The following WDR5B variants were observed in gnomAD, a reference collection of about 807,000 sequenced individuals.
WDR5B encodes WD repeat domain 5B.
In WDR5B, 17 loss-of-function variants were observed where a neutral mutation model predicts 24.0. The observed-to-expected ratio is 0.71, with a 90% CI of 0.49 to 1.06. The LOEUF (loss-of-function observed/expected upper bound fraction) is 1.06. WDR5B is among the 50% of genes least tolerant of loss of function. WDR5B has a pLI of 0.00. For synonymous variants in WDR5B, 150 were observed against 146.4 expected (o/e 1.02, Z -0.18); for missense variants, 368 against 384.1 (o/e 0.96, Z 0.35).
rs11553085 is a variant in WDR5B, at chr3:122,411,904, T to C, written c.*2632A>G. On this transcript the variant is annotated 3_prime_UTR_variant, in exon 1 of 1. Coordinates refer to ENST00000330689, the MANE Select transcript of WDR5B (RefSeq NM_019069.4). Reference sequence around the variant, plus strand: ...ATTAAACTAAAGCTCACAACTGTTATTATGCATCAGGAATTAACAGTCATT... The same window carrying C: ...ATTAAACTAAAGCTCACAACTGTTACTATGCATCAGGAATTAACAGTCATT... 77,494 of 151,982 alleles carry C rather than the reference T, an allele frequency of 0.51. 20,254 individuals are homozygous for C. Among genetic ancestry groups the C allele is most frequent in the East Asian group, 0.65 (3,343 of 5,158 alleles). The allele number at this position is 151,982 out of a possible 1,614,324, so 9.4% of individuals were successfully genotyped here.
In WDR5B at chr3:122,413,978, TACACACAC is replaced by T. The variant is rs371239190; in HGVS notation, c.*550_*557del. ...ATACATACACATACACATATATGCA[TACACACAC>T]ACACATACACACCACAGAATACTAC... is the stretch of plus-strand genomic sequence containing the variant. On this transcript the variant is annotated 3_prime_UTR_variant, in exon 1 of 1. Transcript: ENST00000330689. 6.4e-6 allele frequency: 1 copy of T among 155,080 alleles called. No individual in the cohort carries two copies. The highest frequency in any genetic ancestry group is 1.9e-4 in the South Asian group (1 of 5,150). 9.6% of individuals were successfully genotyped at this position (155,080 alleles called of 1,614,324 possible).
In WDR5B at chr3:122,415,822, A is replaced by C. The variant is rs184709234; in HGVS notation, c.-294T>G. On this transcript the variant is annotated 5_prime_UTR_variant, in exon 1 of 1. Coordinates refer to ENST00000330689, the MANE Select transcript of WDR5B (RefSeq NM_019069.4). ...TGTTCGGCATTCCGTTAATACATAA[A>C]GCCTTCAAAGCAGGGGCGACGCGAG... 3.0e-5 allele frequency: 10 copies of C among 330,050 alleles called. No individual in the cohort carries two copies. In the Admixed American group the frequency reaches 3.2e-4, roughly 11 times the overall value. 20.4% of individuals were successfully genotyped at this position (330,050 alleles called of 1,614,324 possible).
rs780221712 is a variant in WDR5B at position 122,415,450 on chromosome 3, C to T, written c.79G>A (p.Glu27Lys). 2 of 1,614,232 alleles carry T rather than the reference C, an allele frequency of 1.2e-6. No homozygotes were observed. Among genetic ancestry groups the T allele is most frequent in the South Asian group, 1.1e-5 (1 of 91,088 alleles). Residue 27 changes from glutamate to lysine, a missense_variant, in exon 1 of 1, where the codon GAA becomes AAA. Glu to Lys is a moderately conservative substitution (Grantham distance 56). Coordinates refer to ENST00000330689, the MANE Select transcript of WDR5B (RefSeq NM_019069.4). ...CATTTGAGAGCATAGTTTGGGTTTT[C>T]AGGCACTTCCTTGCTCTGATTGGCC... is the stretch of plus-strand genomic sequence containing the variant. Reference protein sequence around the residue: ...SSANQSKEVPENPNYALKCTL... With the variant: ...SSANQSKEVPKNPNYALKCTL...
rs146113764 is a variant in WDR5B, at chr3:122,414,904, C to T, written c.625G>A (p.Asp209Asn). 55 of 1,614,018 alleles carry T rather than the reference C, an allele frequency of 3.4e-5. No individual in the cohort carries two copies. The highest frequency in any genetic ancestry group is 2.9e-4 in the African/African-American group (22 of 74,908). Reference protein sequence around the residue: ...GQCLKTLVDDDNPPVSFVKFS... With the variant: ...GQCLKTLVDDNNPPVSFVKFS... The stretch of plus-strand genomic sequence containing the variant: ...TTTACAAAAGAGACAGGAGGGTTAT[C>T]GTCATCAACGAGCGTTTTTAAACAC... The change falls in exon 1 of 1, where the codon GAT (aspartate) becomes AAT (asparagine). Residue 209 changes from aspartate (D) to asparagine (N), a missense_variant. By Grantham distance (23) the Asp-to-Asn change is conservative (BLOSUM62 1). Coordinates refer to ENST00000330689, the MANE Select transcript of WDR5B (RefSeq NM_019069.4).
rs200435556 is a variant in WDR5B at position 122,415,259 on chromosome 3, G to A, written c.270C>T (p.Ala90=). 1.1e-4 allele frequency: 182 copies of A among 1,614,166 alleles called. 1 individual carries two copies. In the East Asian group the frequency reaches 3.9e-3, roughly 35 times the overall value. The change falls in exon 1 of 1, where the codon GCC becomes GCT. Residue 90 remains alanine, a synonymous_variant. Transcript: ENST00000330689. ...CAAGACGACTGGAATCTGATGACCAGGCAACATCCGATATTTCCAAATTAT... is the reference window on the plus strand; with the variant it reads ...CAAGACGACTGGAATCTGATGACCAAGCAACATCCGATATTTCCAAATTAT... ...YGHNLEISDV[A]WSSDSSRLVS...
At position 122,414,588 on chromosome 3, in the gene WDR5B, G is replaced by GAT. The variant is rs1255607497; in HGVS notation, c.939_940dup (p.Ser314TyrfsTer5). On this transcript the variant is annotated frameshift_variant, in exon 1 of 1. Transcript: ENST00000330689. LOFTEE classifies it high-confidence loss of function. ...TGTTTTGTCATTTTCTAATGCTGCT[G>GAT]ATGCGATGAGGTTTTCTGTAGGATG... The GAT allele has an allele frequency of 1.9e-6, 3 of 1,614,164 alleles. No homozygotes were observed. Among genetic ancestry groups the GAT allele is most frequent in the Non-Finnish European group, 1.7e-6 (2 of 1,180,038 alleles).
In WDR5B at chr3:122,413,935, TGTG is replaced by T. The variant is rs1305867137; in HGVS notation, c.*598_*600del. 6.6e-6 allele frequency: 1 copy of T among 152,644 alleles called. No individual in the cohort carries two copies. Among genetic ancestry groups the T allele is most frequent in the Non-Finnish European group, 1.5e-5 (1 of 68,466 alleles). The allele number at this position is 152,644 out of a possible 1,614,324, so 9.5% of individuals were successfully genotyped here. ...TATACATATCCAGATGACTGGATAATGTGGTGTATATACTTATATACATACACA... is the reference window on the plus strand; with the variant it reads ...TATACATATCCAGATGACTGGATAATGTGTATATACTTATATACATACACA... On this transcript the variant is annotated 3_prime_UTR_variant, in exon 1 of 1. Transcript: ENST00000330689.
Position 122,415,211 on chromosome 3 carries a change from A to G in WDR5B, c.318T>C (p.Thr106=), listed in dbSNP as rs778881183. ...CAGATCTCACATCCCATAATTTTAGAGTTTTATCATCTGAGGCAGAAACAA... is the reference window on the plus strand; with the variant it reads ...CAGATCTCACATCCCATAATTTTAGGGTTTTATCATCTGAGGCAGAAACAA... The part of the protein sequence containing the change: ...SRLVSASDDK[T]LKLWDVRSGK... Residue 106 remains threonine (T), a synonymous_variant, in exon 1 of 1, where the codon ACT becomes ACC. Transcript: ENST00000330689. The G allele has an allele frequency of 1.2e-6, 2 of 1,614,260 alleles. No homozygotes were observed. The highest frequency in any genetic ancestry group is 1.7e-5 in the Admixed American group (1 of 60,030).
chr3:122,415,295 T>C lies in WDR5B; in HGVS notation c.234A>G (p.Thr78=), dbSNP rs754987822. The part of the protein sequence containing the change: ...WGAYDGKYEK[T]LYGHNLEISD... Reference sequence around the variant, plus strand: ...ATATTTCCAAATTATGACCATAGAGTGTTTTCTCATATTTTCCATCATATG... The same window carrying C: ...ATATTTCCAAATTATGACCATAGAGCGTTTTCTCATATTTTCCATCATATG... Residue 78 remains threonine (T), a synonymous_variant, in exon 1 of 1, where the codon ACA becomes ACG. Coordinates refer to ENST00000330689, the MANE Select transcript of WDR5B (RefSeq NM_019069.4). 3 of 1,613,962 alleles carry C rather than the reference T, an allele frequency of 1.9e-6. No individual in the cohort carries two copies. Among genetic ancestry groups the C allele is most frequent in the South Asian group, 1.1e-5 (1 of 91,072 alleles).
In WDR5B at chr3:122,413,533, G is replaced by A. The variant is rs950487670; in HGVS notation, c.*1003C>T. The A allele has an allele frequency of 6.6e-6, 1 of 152,296 alleles. No homozygotes were observed. The highest frequency in any genetic ancestry group is 1.5e-5 in the Non-Finnish European group (1 of 68,152). 9.4% of individuals were successfully genotyped at this position (152,296 alleles called of 1,614,324 possible). On this transcript the variant is annotated 3_prime_UTR_variant, in exon 1 of 1. Transcript: ENST00000330689. ...ACATGAGAACTGCTTGAACCCGGGA[G>A]GCAGAGGTTGCAGTGAGCCAAGATT...
In WDR5B at chr3:122,413,966, C is replaced by G. The variant is rs970578163; in HGVS notation, c.*570G>C. On this transcript the variant is annotated 3_prime_UTR_variant, in exon 1 of 1. Transcript: ENST00000330689. ...GTATATACTTATATACATACACATA[C>G]ACATATATGCATACACACACACACA... is the stretch of plus-strand genomic sequence containing the variant. The G allele has an allele frequency of 6.5e-6, 1 of 154,046 alleles. No individual in the cohort carries two copies. Among genetic ancestry groups the G allele is most frequent in the Non-Finnish European group, 1.4e-5 (1 of 69,518 alleles). The allele number at this position is 154,046 out of a possible 1,614,324, so 9.5% of individuals were successfully genotyped here. A position where few individuals can be genotyped will look rare whatever the true frequency, so the allele number is the denominator to read the frequency against.
rs1410583823 is a variant in WDR5B at position 122,414,466 on chromosome 3, AAAG to A, written c.*67_*69del. On this transcript the variant is annotated 3_prime_UTR_variant, in exon 1 of 1. Coordinates refer to ENST00000330689, the MANE Select transcript of WDR5B (RefSeq NM_019069.4). ...TTAAAATACCAAACTGCCAAAATTA[AAAG>A]AAACCGTCTTTTTAAATATCCAAGT... 1 of 1,511,032 alleles carries A rather than the reference AAAG, an allele frequency of 6.6e-7. No homozygotes were observed. Among genetic ancestry groups the A allele is most frequent in the East Asian group, 2.3e-5 (1 of 43,970 alleles). The allele number at this position is 1,511,032 out of a possible 1,614,324, so 93.6% of individuals were successfully genotyped here.
Position 122,414,322 on chromosome 3 carries a change from T to C in WDR5B, c.*214A>G, listed in dbSNP as rs968130065. 60 of 631,736 alleles carry C rather than the reference T, an allele frequency of 9.5e-5. No individual in the cohort carries two copies. Among genetic ancestry groups the C allele is most frequent in the Non-Finnish European group, 1.1e-5 (4 of 378,186 alleles). 39.1% of individuals were successfully genotyped at this position (631,736 alleles called of 1,614,324 possible). ...TAAAAGTGACATAAATCCATAAAAA[T>C]TACAAAAAGTTGCTCAAAAAAGATT... On this transcript the variant is annotated 3_prime_UTR_variant, in exon 1 of 1. Coordinates refer to ENST00000330689, the MANE Select transcript of WDR5B (RefSeq NM_019069.4).
Position 122,415,657 on chromosome 3 carries a change from GCTT to G in WDR5B, c.-132_-130del. On this transcript the variant is annotated 5_prime_UTR_variant, in exon 1 of 1. Coordinates refer to ENST00000330689, the MANE Select transcript of WDR5B (RefSeq NM_019069.4). ...GATTTTAAAATGTACAGTTTTGAAA[GCTT>G]AAAGTTTCTGGACAGTCTTTAAACT... 1 of 1,254,482 alleles carries G rather than the reference GCTT, an allele frequency of 8.0e-7. No individual in the cohort carries two copies. Among genetic ancestry groups the G allele is most frequent in the Admixed American group, 2.7e-5 (1 of 37,436 alleles). 77.7% of individuals were successfully genotyped at this position (1,254,482 alleles called of 1,614,324 possible).
rs773471839 is a variant in WDR5B at position 122,414,876 on chromosome 3, A to C, written c.653T>G (p.Phe218Cys). 2.5e-5 allele frequency: 41 copies of C among 1,614,192 alleles called. No individual in the cohort carries two copies. The highest frequency in any genetic ancestry group is 3.5e-5 in the Non-Finnish European group (41 of 1,180,034). The change falls in exon 1 of 1, where the codon TTT (phenylalanine) becomes TGT (cysteine). Residue 218 changes from phenylalanine (F) to cysteine (C), a missense_variant. Coordinates refer to ENST00000330689, the MANE Select transcript of WDR5B (RefSeq NM_019069.4). ...GAGAATGTATTTACCATTTGGAGAA[A>C]ATTTTACAAAAGAGACAGGAGGGTT... ...DDNPPVSFVK[F>C]SPNGKYILTA...
chr3:122,412,696 A>G lies in WDR5B; in HGVS notation c.*1840T>C, dbSNP rs1402267269. On this transcript the variant is annotated 3_prime_UTR_variant, in exon 1 of 1. Transcript: ENST00000330689. ...GCAGGAATTAGTAGGTCAGACACAG[A>G]ACAAAAGAAGAGCAGTCTTCATCAG... is the stretch of plus-strand genomic sequence containing the variant. 1.3e-5 allele frequency: 2 copies of G among 152,262 alleles called. No homozygotes were observed. Among genetic ancestry groups the G allele is most frequent in the East Asian group, 3.8e-4 (2 of 5,206 alleles). The allele number at this position is 152,262 out of a possible 1,614,324, so 9.4% of individuals were successfully genotyped here.
In WDR5B at chr3:122,414,013, C is replaced by G. The variant is rs988191561; in HGVS notation, c.*523G>C. 1.3e-5 allele frequency: 2 copies of G among 159,586 alleles called. No homozygotes were observed. The highest frequency in any genetic ancestry group is 4.9e-5 in the African/African-American group (2 of 41,182). The allele number at this position is 159,586 out of a possible 1,614,324, so 9.9% of individuals were successfully genotyped here. Reference sequence around the variant, plus strand: ...CACATACACACCACAGAATACTACTCAGCCAAAAAAAAATAATGAAATCTT... The same window carrying G: ...CACATACACACCACAGAATACTACTGAGCCAAAAAAAAATAATGAAATCTT... On this transcript the variant is annotated 3_prime_UTR_variant, in exon 1 of 1. Transcript: ENST00000330689.
rs781636411 is a variant in WDR5B at position 122,415,580 on chromosome 3, G to C, written c.-52C>G. 7 of 1,549,552 alleles carry C rather than the reference G, an allele frequency of 4.5e-6. No homozygotes were observed. In the African/African-American group the frequency reaches 5.5e-5, roughly 12 times the overall value. ...GTACTAGGCGTTCAGCCCTGAACCA[G>C]GCAGTCCAGTACTTTGGCTTTCTGC... On this transcript the variant is annotated 5_prime_UTR_variant, in exon 1 of 1. Transcript: ENST00000330689.
Position 122,414,477 on chromosome 3 carries a change from CTT to C in WDR5B, c.*57_*58del. ...AACTGCCAAAATTAAAAGAAACCGTCTTTTTAAATATCCAAGTTTTTTGGCCA... is the reference window on the plus strand; with the variant it reads ...AACTGCCAAAATTAAAAGAAACCGTCTTTAAATATCCAAGTTTTTTGGCCA... On this transcript the variant is annotated 3_prime_UTR_variant, in exon 1 of 1. Coordinates refer to ENST00000330689, the MANE Select transcript of WDR5B (RefSeq NM_019069.4). The C allele has an allele frequency of 6.6e-7, 1 of 1,526,600 alleles. No homozygotes were observed. Among genetic ancestry groups the C allele is most frequent in the East Asian group, 2.3e-5 (1 of 43,948 alleles). The allele number at this position is 1,526,600 out of a possible 1,614,324, so 94.6% of individuals were successfully genotyped here. A position where few individuals can be genotyped will look rare whatever the true frequency, so the allele number is the denominator to read the frequency against.
Sources: allele counts gnomAD v4.1 joint callset, GRCh38; gene constraint gnomAD v4.1.1; transcripts MANE v1.5; gene names NCBI Gene and HGNC (gene_info 2026-07-23, HGNC 2026-07-21).